The following PAQR5 variants were observed in gnomAD, a reference collection of about 807,000 sequenced individuals.
PAQR5 encodes the protein progestin and adipoQ receptor family member 5.
PAQR5 carries 20 observed loss-of-function variants against 34.5 expected under a neutral mutation model. That is an observed-to-expected ratio of 0.58 (90% CI 0.41 to 0.84). The LOEUF is 0.84. PAQR5 is among the 40% of genes least tolerant of loss of function. The probability of loss-of-function intolerance (pLI) is 0.00; values close to 1 mark genes in which losing one functional copy is unlikely to be tolerated. For synonymous variants in PAQR5, 131 were observed against 155.6 expected (o/e 0.84, Z 1.18); for missense variants, 378 against 412.7 (o/e 0.92, Z 0.73).
intron 2 of PAQR5, among the ~76,000 whole-genome samples, chr15:69,340,482 T>C (rs186844362): frequency 1.3e-5 from 2 of 152,316 alleles, no homozygotes; most frequent in East Asian, 3.9e-4. Flanking sequence ...CTTTAATGAA[T>C]GGCAAACTAC....
intron 2 of PAQR5, 35 bp from the exon 3 acceptor site, chr15:69,359,931 A>C: frequency 1.5e-6 from 1 of 649,248 alleles, no homozygotes. Flanking sequence ...GTTAGGCTGA[A>C]ACTGACTGGA....
At position 69,339,168 on chromosome 15, in the gene PAQR5, A is replaced by ACCCCCCCCCCCCCCCCCCCCC. The variant is rs111647955; in HGVS notation, c.-116+1668_-116+1669insCCCCCCCCCCCCCCCCCCCCC. ...AGTCACCACTCCTGGCCCACTGGCT[A>ACCCCCCCCCCCCCCCCCCCCC]CACCCCCCACCCCGCCACCAAGTTA... On this transcript the variant is annotated intron_variant, in intron 2 of 8. Coordinates refer to ENST00000395407, the MANE Select transcript of PAQR5 (RefSeq NM_017705.4). Among the ~76,000 whole-genome samples the ACCCCCCCCCCCCCCCCCCCCC allele has an allele frequency of 1.1e-4, 15 of 134,052 alleles. 1 individual carries two copies. Among genetic ancestry groups the ACCCCCCCCCCCCCCCCCCCCC allele is most frequent in the Non-Finnish European group, 2.0e-4 (12 of 60,300 alleles). 87.9% of individuals were successfully genotyped at this position (134,052 alleles called of 152,430 possible). A position where few individuals can be genotyped will look rare whatever the true frequency, so the allele number is the denominator to read the frequency against.
chr15:69,328,899 C>T (rs1203301660), intron 1 of PAQR5, among the ~76,000 whole-genome samples: 1 of 152,238 alleles, frequency 6.6e-6, no homozygotes, highest in Non-Finnish European at 1.5e-5. Flanking sequence ...TGAGGGAATG[C>T]CTCTCCCAGC....
chr15:69,299,810 G>C (rs1472793670), intron 1 of PAQR5, among the ~76,000 whole-genome samples: 1 of 152,226 alleles, frequency 6.6e-6, no homozygotes, highest in Non-Finnish European at 1.5e-5. Flanking sequence ...GCTCAGCTTA[G>C]TGGGAGTCGG....
intron 7 of PAQR5, chr15:69,397,854 T>G: frequency 2.3e-6 from 1 of 428,464 alleles, no homozygotes; most frequent in Non-Finnish European, 4.2e-6. Flanking sequence ...TATCTTTCTT[T>G]CCCCCACACC....
At chr15:69,349,139 G>A (rs2054847786) in intron 2 of PAQR5, among the ~76,000 whole-genome samples, 1 of 152,012 alleles carries the variant, frequency 6.6e-6, no homozygotes, top group South Asian at 2.1e-4. Flanking sequence ...AATGTGGGTG[G>A]GCACCATCCA....
At chr15:69,381,008 G>T (rs2055870355) in intron 4 of PAQR5, among the ~76,000 whole-genome samples, 1 of 152,200 alleles carries the variant, frequency 6.6e-6, no homozygotes, top group African/African-American at 2.4e-5. Context: ...AGGCTGTTTG[G>T]TTCCAGCAGC....
In PAQR5 at chr15:69,403,801, A is replaced by G; in HGVS notation, c.972A>G (p.Glu324=). The change falls in exon 9 of 9, where the codon GAA becomes GAG. Residue 324 remains glutamate, a synonymous_variant. Coordinates refer to ENST00000395407, the MANE Select transcript of PAQR5 (RefSeq NM_017705.4). Reference sequence around the variant, plus strand: ...CTCTGTATCGGATTCCCAAGCCAGAATTACATAAAAAAGAAACATGACTCA... The same window carrying G: ...CTCTGTATCGGATTCCCAAGCCAGAGTTACATAAAAAAGAAACATGACTCA... ...SAALYRIPKP[E]LHKKET 1 of 1,614,014 alleles carries G rather than the reference A, an allele frequency of 6.2e-7. No individual in the cohort carries two copies. Among genetic ancestry groups the G allele is most frequent in the South Asian group, 1.1e-5 (1 of 91,082 alleles).
intron 1 of PAQR5, among the ~76,000 whole-genome samples, chr15:69,329,471 T>C (rs1160164656): frequency 1.5e-5 from 2 of 133,320 alleles, no homozygotes; most frequent in African/African-American, 5.8e-5. Context: ...TTCTTTTTTT[T>C]TTTTTTTTTT....
At chr15:69,389,002 G>A (rs188199213) in intron 5 of PAQR5, among the ~76,000 whole-genome samples, 6 of 152,308 alleles carry the variant, frequency 3.9e-5, no homozygotes, top group African/African-American at 7.2e-5. Flanking sequence ...CAAAAAGGTC[G>A]CTAGAAGGTC....
intron 1 of PAQR5, among the ~76,000 whole-genome samples, chr15:69,320,491 G>T (rs574751462): frequency 4.6e-5 from 7 of 152,216 alleles, no homozygotes; most frequent in African/African-American, 1.7e-4. Flanking sequence ...AATAGTTATT[G>T]CATGCTCGGG....
At chr15:69,335,542 GTTTTTTTTTTTTTTTTT>G (rs56712868) in intron 1 of PAQR5, among the ~76,000 whole-genome samples, 1 of 61,104 alleles carries the variant, frequency 1.6e-5, no homozygotes, top group Non-Finnish European at 2.9e-5. Context: ...ACCGCATCCA[GTTTTTTTTTTTTTTTTT>G]TTTTTTTTGA....
intron 1 of PAQR5, among the ~76,000 whole-genome samples, chr15:69,332,939 T>C (rs2054420259): frequency 1.3e-5 from 2 of 152,080 alleles, no homozygotes. Context: ...TCGCTTAGTG[T>C]TAAAGTCGGG....
intron 1 of PAQR5, among the ~76,000 whole-genome samples, chr15:69,305,880 C>T (rs1233481069): frequency 6.6e-6 from 1 of 152,170 alleles, no homozygotes; most frequent in Non-Finnish European, 1.5e-5. Flanking sequence ...CGATCTTTGG[C>T]AGGGGGAGGG....
In PAQR5 at chr15:69,385,980, C is replaced by T. The variant is rs906065298; in HGVS notation, c.385+1098C>T. Among the ~76,000 whole-genome samples the T allele has an allele frequency of 6.6e-6, 1 of 150,912 alleles. No individual in the cohort carries two copies. Among genetic ancestry groups the T allele is most frequent in the Non-Finnish European group, 1.5e-5 (1 of 67,728 alleles). ...TGCACACTCTCAAACACTACACACA[C>T]ACACCACCCATACTGACACACACTA... On this transcript the variant is annotated intron_variant, in intron 5 of 8. Transcript: ENST00000395407. This position sits in a 1 kb window ranked among gnomAD's most constrained non-coding sequence, Gnocchi z 4.7.
In PAQR5 at chr15:69,330,518, A is replaced by G. The variant is rs956294144; in HGVS notation, c.-276-6823A>G. 7.2e-5 allele frequency among the ~76,000 whole-genome samples: 11 copies of G among 152,292 alleles called. No homozygotes were observed. In the East Asian group the frequency reaches 1.7e-3, roughly 24 times the overall value. On this transcript the variant is annotated intron_variant, in intron 1 of 8. Transcript: ENST00000395407. ...AAGATCAGTGCTTGGGATATTTTGC[A>G]GACCCTGCACTCGGTGGATCAGCAG...
At chr15:69,322,230 C>T (rs1241068163) in intron 1 of PAQR5, among the ~76,000 whole-genome samples, 1 of 149,242 alleles carries the variant, frequency 6.7e-6, no homozygotes, top group East Asian at 2.0e-4. Context: ...GTAATCCCAG[C>T]ACTTTGGGAG....
At chr15:69,329,075 C>G (rs1242942369) in intron 1 of PAQR5, among the ~76,000 whole-genome samples, 1 of 152,246 alleles carries the variant, frequency 6.6e-6, no homozygotes, top group Non-Finnish European at 1.5e-5. Flanking sequence ...GCCAGGTTAC[C>G]CTGGGAATGC....
intron 8 of PAQR5, among the ~76,000 whole-genome samples, chr15:69,402,883 C>T (rs962486208): frequency 3.9e-5 from 6 of 152,240 alleles, no homozygotes; most frequent in Non-Finnish European, 8.8e-5. Context: ...CCACCCAGCA[C>T]GTCCCTGTCC....
Sources: allele counts gnomAD v4.1 joint callset (sites outside exome capture counted in the v4.1 genomes callset), GRCh38; gene constraint gnomAD v4.1.1; non-coding constraint Gnocchi (gnomAD v3.1); transcripts MANE v1.5; gene names NCBI Gene and HGNC (gene_info 2026-07-23, HGNC 2026-07-21).